Variants in STK39 observed in about 807,000 individuals in gnomAD.
STK39 encodes serine/threonine kinase 39.
A neutral mutation model predicts 77.8 loss-of-function variants in STK39; 20 were observed. That is an observed-to-expected ratio of 0.26 (90% confidence interval 0.18 to 0.37). The LOEUF is 0.37. Among genes scored for constraint, STK39 ranks in the 10% least tolerant of loss-of-function variants. The pLI is 1.00. For missense variants in STK39, 479 were observed against 656.5 expected, an observed-to-expected ratio of 0.73 and a Z score of 2.95; for synonymous variants, 246 against 234.1, an observed-to-expected ratio of 1.05 and a Z score of -0.47.
At position 168,247,294 on chromosome 2, in the gene STK39, C is replaced by A. The variant is rs906192180; in HGVS notation, c.142G>T (p.Ala48Ser). The A allele has an allele frequency of 9.7e-7, 1 of 1,029,986 alleles. No individual in the cohort carries two copies. The allele number at this position is 1,029,986 out of a possible 1,614,324, so 63.8% of individuals were successfully genotyped here. Residue 48 changes from alanine (A) to serine (S), a missense_variant, in exon 1 of 18, where the codon GCC becomes TCC. Ala to Ser is a moderately conservative substitution (Grantham distance 99, BLOSUM62 1). Transcript: ENST00000355999. ...AAPAAPAPAP[A>S]PAAQAVGWPI... is the part of the protein sequence containing the mutation. ...CAGCCGACAGCCTGTGCCGCCGGGG[C>A]CGGGGCCGGGGCCGGGGCCGCGGGA...
intron 16 of STK39, among the ~76,000 whole-genome samples, chr2:167,991,625 C>T (rs1286832105): frequency 6.6e-6 from 1 of 152,146 alleles, no homozygotes; most frequent in African/African-American, 2.4e-5. Flanking sequence ...GAGGGGAGCA[C>T]ATACTGAGTT....
chr2:168,083,127 C>T (rs906256997), intron 10 of STK39, among the ~76,000 whole-genome samples: 2 of 152,096 alleles, frequency 1.3e-5, no homozygotes, highest in African/African-American at 4.8e-5. Flanking sequence ...TCTTTAGATA[C>T]CCTACAATCC....
At chr2:168,129,676 A>T (rs1487061173) in intron 9 of STK39, 34 bp downstream of exon 9, 1 of 1,614,092 alleles carries the variant, frequency 6.2e-7, no homozygotes, top group Admixed American at 1.7e-5. Context: ...GATTTCAAAA[A>T]TAGCAGATTT....
intron 1 of STK39, among the ~76,000 whole-genome samples, chr2:168,212,094 C>G (rs1463369507): frequency 6.6e-6 from 1 of 152,200 alleles, no homozygotes; most frequent in East Asian, 1.9e-4. Flanking sequence ...CATCCAGAAC[C>G]TTTGTTTCTC....
intron 16 of STK39, among the ~76,000 whole-genome samples, chr2:167,970,226 A>G (rs993080509): frequency 2.6e-5 from 4 of 152,192 alleles, no homozygotes; most frequent in Admixed American, 2.6e-4. Flanking sequence ...TATGCTATAT[A>G]TATTTATACA....
At chr2:168,199,418 G>A (rs767943233) in intron 1 of STK39, among the ~76,000 whole-genome samples, 46 of 152,130 alleles carry the variant, frequency 3.0e-4, no homozygotes, top group Non-Finnish European at 3.2e-4. Flanking sequence ...TGGGAAAATC[G>A]TTCCGTTTTG....
At chr2:168,175,184 A>C (rs1204942404) in intron 2 of STK39, among the ~76,000 whole-genome samples, 1 of 152,206 alleles carries the variant, frequency 6.6e-6, no homozygotes, top group Non-Finnish European at 1.5e-5. Context: ...GAACGACAAT[A>C]ACATAGGAAA....
In STK39 at chr2:168,010,403, A is replaced by C. The variant is rs78673815; in HGVS notation, c.1498+2231T>G. On this transcript the variant is annotated intron_variant, in intron 16 of 17. Transcript: ENST00000355999. ...GGTAATTGGTAGGTGAACATAATGAATTCTTAGACAGAATTTAAAGTAGAC... is the reference window on the plus strand; with the variant it reads ...GGTAATTGGTAGGTGAACATAATGACTTCTTAGACAGAATTTAAAGTAGAC... Among the ~76,000 whole-genome samples the C allele has an allele frequency of 1.7e-3, 252 of 152,348 alleles. 1 individual carries two copies. Among genetic ancestry groups the C allele is most frequent in the Non-Finnish European group, 3.0e-3 (207 of 68,034 alleles).
At chr2:168,205,589 C>T (rs966595865) in intron 1 of STK39, among the ~76,000 whole-genome samples, 15 of 151,964 alleles carry the variant, frequency 9.9e-5, no homozygotes, top group Non-Finnish European at 1.5e-4. Context: ...TGGGGAGGGA[C>T]GGGGATTGCT....
chr2:168,021,441 G>A (rs552170770), intron 14 of STK39, among the ~76,000 whole-genome samples: 3 of 152,192 alleles, frequency 2.0e-5, no homozygotes, highest in Non-Finnish European at 2.9e-5. Context: ...TAATTGGAGC[G>A]AACTACTGAA....
intron 16 of STK39, among the ~76,000 whole-genome samples, chr2:167,982,394 TC>T (rs1683442686): frequency 6.6e-6 from 1 of 152,102 alleles, no homozygotes; most frequent in African/African-American, 2.4e-5. Flanking sequence ...CACTGACCCC[TC>T]CAAAAACAGG....
At chr2:168,034,007 C>T (rs1299209778) in intron 14 of STK39, among the ~76,000 whole-genome samples, 1 of 152,164 alleles carries the variant, frequency 6.6e-6, no homozygotes, top group Non-Finnish European at 1.5e-5. Context: ...TTTACAAGTC[C>T]AATCTTAGTC....
intron 5 of STK39, among the ~76,000 whole-genome samples, chr2:168,141,147 G>A (rs1033237558): frequency 2.0e-5 from 3 of 152,124 alleles, no homozygotes; most frequent in Non-Finnish European, 2.9e-5. Context: ...AGAGGCAATG[G>A]ATTGTACAAG....
At chr2:168,144,710 C>A (rs1688088772) in intron 5 of STK39, among the ~76,000 whole-genome samples, 1 of 151,964 alleles carries the variant, frequency 6.6e-6, no homozygotes, top group Admixed American at 6.6e-5. Context: ...CTACTCACTG[C>A]CTTTTCATAA....
chr2:167,993,673 A>C (rs113843463), intron 16 of STK39, among the ~76,000 whole-genome samples: 47 of 152,242 alleles, frequency 3.1e-4, no homozygotes, highest in African/African-American at 1.1e-3. Context: ...ATGTGAGCTA[A>C]AGTCCTTGTT....
intron 1 of STK39, among the ~76,000 whole-genome samples, chr2:168,242,556 AAAAAATATATATATAT>A (rs1221453546): frequency 3.3e-4 from 20 of 59,998 alleles, no homozygotes; most frequent in African/African-American, 1.3e-3. Flanking sequence ...CAAAAAAAAA[AAAAAATATATATATAT>A]ATATATATAT....
intron 1 of STK39, among the ~76,000 whole-genome samples, chr2:168,184,563 G>A (rs1336867043): frequency 1.3e-5 from 2 of 152,142 alleles, no homozygotes; most frequent in African/African-American, 4.8e-5. Flanking sequence ...AGAAAACAGG[G>A]TCCTGTGAAG....
chr2:168,204,010 AG>A (rs983337862), intron 1 of STK39, among the ~76,000 whole-genome samples: 9 of 152,348 alleles, frequency 5.9e-5, no homozygotes, highest in African/African-American at 2.2e-4. Flanking sequence ...CTCTATCTTA[AG>A]GGCCTCCAGC....
chr2:168,211,679 A>G (rs925339525), intron 1 of STK39, among the ~76,000 whole-genome samples: 2 of 152,218 alleles, frequency 1.3e-5, no homozygotes, highest in African/African-American at 4.8e-5. Flanking sequence ...ATAAAGCATC[A>G]TCAACGCCCT....
Sources: allele counts gnomAD v4.1 joint callset (sites outside exome capture counted in the v4.1 genomes callset), GRCh38; gene constraint gnomAD v4.1.1; transcripts MANE v1.5; gene names NCBI Gene and HGNC (gene_info 2026-07-23, HGNC 2026-07-21).